The following TLL1 variants were observed in gnomAD, a reference collection of about 807,000 sequenced individuals.
TLL1 encodes tolloid like 1.
A neutral mutation model predicts 128.2 loss-of-function variants in TLL1; 49 were observed. The observed-to-expected ratio is 0.38, with a 90% CI of 0.30 to 0.48. The LOEUF is 0.48. Ranked by LOEUF, TLL1 falls within the 20% of genes least tolerant of loss-of-function variation. The pLI is 0.96. For synonymous variants in TLL1, 454 were observed against 418.8 expected (o/e 1.08, Z -1.03); for missense variants, 1,123 against 1,242.0 (o/e 0.90, Z 1.44).
chr4:166,102,197 T>A lies in TLL1; in HGVS notation c.*1321T>A, dbSNP rs1252551989. On this transcript the variant is annotated 3_prime_UTR_variant, in exon 21 of 21. Coordinates refer to ENST00000061240, the MANE Select transcript of TLL1 (RefSeq NM_012464.5). Reference sequence around the variant, plus strand: ...ACAGATCCTCCTAAAACACACCTTTTGAAATGTTGAACATAATAGTGTATG... The same window carrying A: ...ACAGATCCTCCTAAAACACACCTTTAGAAATGTTGAACATAATAGTGTATG... 6.6e-6 allele frequency: 1 copy of A among 152,574 alleles called. No individual in the cohort carries two copies. Among genetic ancestry groups the A allele is most frequent in the South Asian group, 2.1e-4 (1 of 4,828 alleles). The allele number at this position is 152,574 out of a possible 1,614,324, so 9.5% of individuals were successfully genotyped here. A position where few individuals can be genotyped will look rare whatever the true frequency, so the allele number is the denominator to read the frequency against.
At chr4:166,078,427 G>A (rs1503300) in intron 18 of TLL1, among the ~76,000 whole-genome samples, 9,770 of 152,220 alleles carry the variant, frequency 0.064, 534 homozygotes, top group African/African-American at 0.14. Flanking sequence ...TACTGGTTAT[G>A]CCAATTGCAT....
chr4:166,053,071 T>C (rs1268946065), intron 12 of TLL1: 1 of 150,062 alleles, frequency 6.7e-6, no homozygotes, highest in African/African-American at 2.5e-5. Context: ...TATATAAATA[T>C]TTTCCATTTA....
chr4:166,099,158 G>T (rs1017947703), intron 19 of TLL1, 119 bp from the exon 20 acceptor site: 3 of 1,482,302 alleles, frequency 2.0e-6, no homozygotes, highest in African/African-American at 1.4e-5. Context: ...CATATCTGAC[G>T]CTGGAAGTAG....
chr4:165,901,894 T>C (rs1413867625), intron 1 of TLL1, among the ~76,000 whole-genome samples: 1 of 152,176 alleles, frequency 6.6e-6, no homozygotes, highest in Non-Finnish European at 1.5e-5. Context: ...GAGTTTTATC[T>C]ATAAGCCCCT....
At chr4:165,941,999 CTTTA>C (rs1734033232) in intron 1 of TLL1, among the ~76,000 whole-genome samples, 1 of 151,986 alleles carries the variant, frequency 6.6e-6, no homozygotes, top group African/African-American at 2.4e-5. Flanking sequence ...ATATTAACAC[CTTTA>C]TTCCTCAGAG....
chr4:165,969,533 T>G (rs1306276474), intron 1 of TLL1, among the ~76,000 whole-genome samples: 3 of 152,114 alleles, frequency 2.0e-5, no homozygotes, highest in South Asian at 4.1e-4. Context: ...GGTTCCAGTG[T>G]CTAGCTTTAA....
intron 7 of TLL1, 128 bp from the exon 8 acceptor site, chr4:166,014,308 G>T: frequency 7.2e-7 from 1 of 1,390,398 alleles, no homozygotes. Context: ...CTGATACACT[G>T]CTTAAAGCAC....
intron 1 of TLL1, among the ~76,000 whole-genome samples, chr4:165,903,516 G>A (rs945197915): frequency 1.3e-5 from 2 of 149,018 alleles, no homozygotes; most frequent in Admixed American, 1.3e-4. Context: ...GGGTTCAAGC[G>A]ATTCTTCTGC....
intron 7 of TLL1, among the ~76,000 whole-genome samples, chr4:166,010,948 T>A (rs1215188920): frequency 6.6e-6 from 1 of 151,286 alleles, no homozygotes; most frequent in Non-Finnish European, 1.5e-5. Context: ...TCAAAGATAA[T>A]ATGATCTCGT....
intron 1 of TLL1, among the ~76,000 whole-genome samples, chr4:165,974,567 C>T (rs940761927): frequency 1.3e-5 from 2 of 152,156 alleles, no homozygotes; most frequent in Non-Finnish European, 2.9e-5. Context: ...CTTTTGTTAA[C>T]ATTTAACAAG....
chr4:165,926,505 G>T (rs184425156), intron 1 of TLL1, among the ~76,000 whole-genome samples: 1 of 152,272 alleles, frequency 6.6e-6, no homozygotes, highest in Admixed American at 6.5e-5. Context: ...AGGTGATGCG[G>T]ATAGGAAATG....
At chr4:166,015,107 G>A (rs148426453) in intron 8 of TLL1, among the ~76,000 whole-genome samples, 2 of 151,942 alleles carry the variant, frequency 1.3e-5, no homozygotes, top group African/African-American at 2.4e-5. Context: ...TTCATGAAAC[G>A]TCTTAATGTT....
At position 166,057,314 on chromosome 4, in the gene TLL1, G is replaced by A. The variant is rs760596816; in HGVS notation, c.1846+5G>A. 3.7e-6 allele frequency: 6 copies of A among 1,613,670 alleles called. No homozygotes were observed. The highest frequency in any genetic ancestry group is 5.1e-6 in the Non-Finnish European group (6 of 1,179,884). On this transcript the variant is annotated splice_donor_5th_base_variant and intron_variant, in intron 14 of 20. Coordinates refer to ENST00000061240, the MANE Select transcript of TLL1 (RefSeq NM_012464.5). ...CAGACAGAAGGAGCTGTGAAGGTAT[G>A]ACTGCACTCCTTCCTGGACCCCCAC...
intron 8 of TLL1, 46 bp from the exon 9 acceptor site, chr4:166,025,270 T>G: frequency 7.4e-7 from 1 of 1,350,446 alleles, no homozygotes. Context: ...TATTCACGTA[T>G]TTTATATAAA....
intron 15 of TLL1, 121 bp downstream of exon 15, chr4:166,060,309 C>T (rs897120958): frequency 1.8e-6 from 2 of 1,088,812 alleles, no homozygotes; most frequent in Non-Finnish European, 1.3e-6. Context: ...CTTTCTTTGT[C>T]TTACTGCTCA....
At chr4:166,037,075 A>G (rs1231280542) in intron 9 of TLL1, among the ~76,000 whole-genome samples, 1 of 152,126 alleles carries the variant, frequency 6.6e-6, no homozygotes, top group Non-Finnish European at 1.5e-5. Flanking sequence ...GTTTTAATAA[A>G]TGAGTTCTTA....
chr4:166,055,405 C>A, intron 13 of TLL1, 134 bp downstream of exon 13: 1 of 787,724 alleles, frequency 1.3e-6, no homozygotes, highest in Non-Finnish European at 2.1e-6. Context: ...TGGAGAGTTT[C>A]GATAGAAAAG....
intron 1 of TLL1, among the ~76,000 whole-genome samples, chr4:165,976,945 G>T (rs923958047): frequency 6.6e-6 from 1 of 152,120 alleles, no homozygotes; most frequent in Non-Finnish European, 1.5e-5. Context: ...ATCATCTATA[G>T]TTAGTGTTAG....
At chr4:165,901,758 A>T (rs4622957) in intron 1 of TLL1, among the ~76,000 whole-genome samples, 48,308 of 152,010 alleles carry the variant, frequency 0.32, 8,087 homozygotes, top group East Asian at 0.56. Context: ...GTTCCTTAGC[A>T]GAGCTGGAGT....
Sources: gnomAD v4.1 joint callset for allele counts (sites outside exome capture counted in the v4.1 genomes callset) on GRCh38, gnomAD v4.1.1 for gene constraint, MANE v1.5 for transcripts, NCBI Gene and HGNC (gene_info 2026-07-23, HGNC 2026-07-21) for gene names.